The following DHFR2 variants were observed in gnomAD, a reference collection of about 807,000 sequenced individuals.
The protein encoded by DHFR2 is dihydrofolate reductase 2.
DHFR2 carries 11 observed loss-of-function variants against 12.0 expected under a neutral mutation model. The observed-to-expected ratio is 0.92, with a 90% CI of 0.58 to 1.52. DHFR2 has a LOEUF of 1.52. Ranked by LOEUF, DHFR2 falls within the 40% of genes most tolerant of loss-of-function variation. The pLI is 0.00. For missense variants in DHFR2, 188 were observed against 221.2 expected (o/e 0.85, Z 0.95); for synonymous variants, 87 against 79.6 (o/e 1.09, Z -0.49).
rs1269887904 is a variant in DHFR2 at position 94,061,576 on chromosome 3, G to C, written c.-65C>G. ...CAGGAAGCCAGGCCAAGAATGCCGC[G>C]AAATTCCCTTCTTCAAATTTTTTTA... On this transcript the variant is annotated 5_prime_UTR_variant, in exon 2 of 2. Coordinates refer to ENST00000314636, the MANE Select transcript of DHFR2 (RefSeq NM_176815.5). 1.3e-6 allele frequency: 2 copies of C among 1,596,846 alleles called. No homozygotes were observed. The highest frequency in any genetic ancestry group is 1.7e-6 in the Non-Finnish European group (2 of 1,171,244).
In DHFR2 at chr3:94,059,590, CCTG is replaced by C. The variant is rs2077161574; in HGVS notation, c.*1355_*1357del. ...CCAAAGTCAAACTCCATCAGAATAT[CCTG>C]CTACTTCCAACTTTAAAATATATCT... On this transcript the variant is annotated 3_prime_UTR_variant, in exon 2 of 2. Transcript: ENST00000314636. 6.6e-6 allele frequency: 1 copy of C among 152,198 alleles called. No homozygotes were observed. The highest frequency in any genetic ancestry group is 1.5e-5 in the Non-Finnish European group (1 of 68,054). 9.4% of individuals were successfully genotyped at this position (152,198 alleles called of 1,614,324 possible). A position where few individuals can be genotyped will look rare whatever the true frequency, so the allele number is the denominator to read the frequency against.
In DHFR2 at chr3:94,058,730, T is replaced by C. The variant is rs1412059530; in HGVS notation, c.*2218A>G. The stretch of plus-strand genomic sequence containing the variant: ...ACCAACCCTTCCCCCTTGTTTTTTT[T>C]TGTTTTTTTTTTTTTTTACTTTTGC... On this transcript the variant is annotated 3_prime_UTR_variant, in exon 2 of 2. Transcript: ENST00000314636. The C allele has an allele frequency of 3.8e-5, 6 of 156,998 alleles. No homozygotes were observed. Among genetic ancestry groups the C allele is most frequent in the African/African-American group, 1.5e-4 (6 of 40,526 alleles). The allele number at this position is 156,998 out of a possible 1,614,324, so 9.7% of individuals were successfully genotyped here.
Position 94,061,576 on chromosome 3 carries a change from G to A in DHFR2, c.-65C>T. The A allele has an allele frequency of 6.3e-7, 1 of 1,596,962 alleles. No individual in the cohort carries two copies. The highest frequency in any genetic ancestry group is 1.3e-5 in the African/African-American group (1 of 74,212). On this transcript the variant is annotated 5_prime_UTR_variant, in exon 2 of 2. Transcript: ENST00000314636. Reference sequence around the variant, plus strand: ...CAGGAAGCCAGGCCAAGAATGCCGCGAAATTCCCTTCTTCAAATTTTTTTA... The same window carrying A: ...CAGGAAGCCAGGCCAAGAATGCCGCAAAATTCCCTTCTTCAAATTTTTTTA...
rs541900693 is a variant in DHFR2 at position 94,058,843 on chromosome 3, G to A, written c.*2105C>T. 6 of 157,048 alleles carry A rather than the reference G, an allele frequency of 3.8e-5. No homozygotes were observed. The highest frequency in any genetic ancestry group is 7.2e-5 in the African/African-American group (3 of 41,656). 9.7% of individuals were successfully genotyped at this position (157,048 alleles called of 1,614,324 possible). Reference sequence around the variant, plus strand: ...AGAAGGGATCTCACTATGGTGGCCAGGCTGCTCTGAACTCTTGGGCTCAAG... The same window carrying A: ...AGAAGGGATCTCACTATGGTGGCCAAGCTGCTCTGAACTCTTGGGCTCAAG... On this transcript the variant is annotated 3_prime_UTR_variant, in exon 2 of 2. Transcript: ENST00000314636.
chr3:94,058,710 C>A lies in DHFR2; in HGVS notation c.*2238G>T, dbSNP rs532491481. On this transcript the variant is annotated 3_prime_UTR_variant, in exon 2 of 2. Coordinates refer to ENST00000314636, the MANE Select transcript of DHFR2 (RefSeq NM_176815.5). ...CTAGAATTAATTATTGCCTAACCAACCCTTCCCCCTTGTTTTTTTTTGTTT... is the reference window on the plus strand; with the variant it reads ...CTAGAATTAATTATTGCCTAACCAAACCTTCCCCCTTGTTTTTTTTTGTTT... 1.7e-3 allele frequency: 261 copies of A among 156,746 alleles called. 2 individuals carry two copies. The highest frequency in any genetic ancestry group is 3.1e-3 in the Non-Finnish European group (222 of 71,570). 9.7% of individuals were successfully genotyped at this position (156,746 alleles called of 1,614,324 possible).
rs1195701305 is a variant in DHFR2, at chr3:94,060,662, C to T, written c.*286G>A. On this transcript the variant is annotated 3_prime_UTR_variant, in exon 2 of 2. Transcript: ENST00000314636. ...ATAAATACTACCAACATTAGAAAAG[C>T]CTGACAATGTCAAGGAGTGGCAAGA... The T allele has an allele frequency of 1.2e-5, 5 of 433,854 alleles. No homozygotes were observed. Among genetic ancestry groups the T allele is most frequent in the Non-Finnish European group, 2.1e-5 (5 of 243,328 alleles). 26.9% of individuals were successfully genotyped at this position (433,854 alleles called of 1,614,324 possible). A position where few individuals can be genotyped will look rare whatever the true frequency, so the allele number is the denominator to read the frequency against.
At position 94,060,617 on chromosome 3, in the gene DHFR2, T is replaced by G; in HGVS notation, c.*331A>C. The G allele has an allele frequency of 3.2e-6, 1 of 312,404 alleles. No individual in the cohort carries two copies. The highest frequency in any genetic ancestry group is 5.9e-6 in the Non-Finnish European group (1 of 169,404). The allele number at this position is 312,404 out of a possible 1,614,324, so 19.4% of individuals were successfully genotyped here. On this transcript the variant is annotated 3_prime_UTR_variant, in exon 2 of 2. Coordinates refer to ENST00000314636, the MANE Select transcript of DHFR2 (RefSeq NM_176815.5). ...CTAGTGAAACTGCTCAGCTGAAGGG[T>G]ATGTGCATCTTCATCTTTAATAAAT...
chr3:94,059,551 C>G lies in DHFR2; in HGVS notation c.*1397G>C, dbSNP rs2077161492. ...TCATTTCTCAAAGGCATCTCAAACT[C>G]AGTGGGCCCAAAACCAAAGTCAAAC... On this transcript the variant is annotated 3_prime_UTR_variant, in exon 2 of 2. Transcript: ENST00000314636. The G allele has an allele frequency of 6.6e-6, 1 of 152,174 alleles. No homozygotes were observed. The highest frequency in any genetic ancestry group is 2.4e-5 in the African/African-American group (1 of 41,416). The allele number at this position is 152,174 out of a possible 1,614,324, so 9.4% of individuals were successfully genotyped here. A position where few individuals can be genotyped will look rare whatever the true frequency, so the allele number is the denominator to read the frequency against.
chr3:94,060,996 C>T lies in DHFR2; in HGVS notation c.516G>A (p.Glu172=). 2 of 1,613,876 alleles carry T rather than the reference C, an allele frequency of 1.2e-6. No homozygotes were observed. The highest frequency in any genetic ancestry group is 1.7e-6 in the Non-Finnish European group (2 of 1,179,844). ...CAAATTTGTACTTGATGTGTTTCCC[C>T]TCCTGGACATCAGAGAGAACACCTG... is the stretch of plus-strand genomic sequence containing the variant. ...EYPGVLSDVQ[E]GKHIKYKFEV... is the part of the protein sequence containing the mutation. Residue 172 remains glutamate, a synonymous_variant, in exon 2 of 2, where the codon GAG becomes GAA. Coordinates refer to ENST00000314636, the MANE Select transcript of DHFR2 (RefSeq NM_176815.5).
In DHFR2 at chr3:94,061,378, T is replaced by A; in HGVS notation, c.134A>T (p.Glu45Val). The change falls in exon 2 of 2, where the codon GAG (glutamate) becomes GTG (valine). Residue 45 changes from glutamate (E) to valine (V), a missense_variant. Coordinates refer to ENST00000314636, the MANE Select transcript of DHFR2 (RefSeq NM_176815.5). ...FQRMTTTSSV[E>V]GKQNLVIMGR... ...CATAATCACCAGATTCTGTTTACCC[T>A]CTACTGAAGAAGTTGTGGTCATTCT... 6.2e-7 allele frequency: 1 copy of A among 1,614,192 alleles called. No homozygotes were observed. Among genetic ancestry groups the A allele is most frequent in the Non-Finnish European group, 8.5e-7 (1 of 1,180,046 alleles).
At chr3:94,062,439 C>A (rs767287502) in intron 1 of DHFR2, among the ~76,000 whole-genome samples, 7 of 152,146 alleles carry the variant, frequency 4.6e-5, no homozygotes, top group Non-Finnish European at 1.0e-4. Flanking sequence ...GACTTAATTT[C>A]TTTTTCATTA....
Position 94,058,734 on chromosome 3 carries a change from T to G in DHFR2, c.*2214A>C. On this transcript the variant is annotated 3_prime_UTR_variant, in exon 2 of 2. Coordinates refer to ENST00000314636, the MANE Select transcript of DHFR2 (RefSeq NM_176815.5). ...ACCCTTCCCCCTTGTTTTTTTTTGT[T>G]TTTTTTTTTTTTTACTTTTGCTTTA... is the stretch of plus-strand genomic sequence containing the variant. 1 of 143,498 alleles carries G rather than the reference T, an allele frequency of 7.0e-6. No homozygotes were observed. The highest frequency in any genetic ancestry group is 1.5e-5 in the Non-Finnish European group (1 of 68,454). 8.9% of individuals were successfully genotyped at this position (143,498 alleles called of 1,614,324 possible). A position where few individuals can be genotyped will look rare whatever the true frequency, so the allele number is the denominator to read the frequency against.
rs2077167959 is a variant in DHFR2, at chr3:94,060,654, T to C, written c.*294A>G. The C allele has an allele frequency of 2.4e-6, 1 of 413,072 alleles. No homozygotes were observed. The highest frequency in any genetic ancestry group is 4.3e-6 in the Non-Finnish European group (1 of 230,736). The allele number at this position is 413,072 out of a possible 1,614,324, so 25.6% of individuals were successfully genotyped here. On this transcript the variant is annotated 3_prime_UTR_variant, in exon 2 of 2. Coordinates refer to ENST00000314636, the MANE Select transcript of DHFR2 (RefSeq NM_176815.5). The stretch of plus-strand genomic sequence containing the variant: ...CATCTTTAATAAATACTACCAACAT[T>C]AGAAAAGCCTGACAATGTCAAGGAG...
rs763081853 is a variant in DHFR2 at position 94,061,230 on chromosome 3, C to G, written c.282G>C (p.Leu94Phe). 1.1e-5 allele frequency: 18 copies of G among 1,613,828 alleles called. No homozygotes were observed. Among genetic ancestry groups the G allele is most frequent in the Non-Finnish European group, 1.5e-5 (18 of 1,179,876 alleles). The change falls in exon 2 of 2, where the codon TTG (leucine) becomes TTC (phenylalanine). Residue 94 changes from leucine (L) to phenylalanine (F), a missense_variant. Leu to Phe is a conservative substitution (Grantham distance 22). Coordinates refer to ENST00000314636, the MANE Select transcript of DHFR2 (RefSeq NM_176815.5). ...PQGAHFLARSLDDALKLTERP... is the reference protein window; with the variant it reads ...PQGAHFLARSFDDALKLTERP... ...GTTCAGTAAGTTTTAAGGCATCATC[C>G]AAACTTCTGGCAAGAAAATGAGCTC...
At position 94,061,265 on chromosome 3, in the gene DHFR2, G is replaced by C. The variant is rs61739170; in HGVS notation, c.247C>G (p.Pro83Ala). 0.23 allele frequency: 366,716 copies of C among 1,613,740 alleles called. 45,426 individuals carry two copies. The highest frequency in any genetic ancestry group is 0.25 in the Non-Finnish European group (298,399 of 1,179,790). ...NLVLSRELKE[P>A]PQGAHFLARS... The stretch of plus-strand genomic sequence containing the variant: ...GCAAGAAAATGAGCTCCTTGTGGAG[G>C]TTCCTTGAGTTCTCTGCTGAGAACT... Residue 83 changes from proline (P) to alanine (A), a missense_variant, in exon 2 of 2, where the codon CCT (proline) becomes GCT (alanine). Physicochemically the swap from Pro to Ala is conservative, Grantham distance 27. Transcript: ENST00000314636.
chr3:94,063,029 C>A (rs896131082), upstream of DHFR2: 15 of 1,341,710 alleles, frequency 1.1e-5, no homozygotes, highest in African/African-American at 1.4e-4. Flanking sequence ...AAGTGGATGC[C>A]CGCGAATCCC....
At chr3:94,062,033 T>G (rs1168750165) in intron 1 of DHFR2, among the ~76,000 whole-genome samples, 1 of 152,216 alleles carries the variant, frequency 6.6e-6, no homozygotes, top group Non-Finnish European at 1.5e-5. Context: ...AAATGATGAT[T>G]ATTAACTATC....
rs2077155354 is a variant in DHFR2 at position 94,058,542 on chromosome 3, C to T, written c.*2406G>A. ...TTACACCATCACTATCTTCACTTTT[C>T]CCCCCATATTGTCCCAAAGTAGTTA... On this transcript the variant is annotated 3_prime_UTR_variant, in exon 2 of 2. Coordinates refer to ENST00000314636, the MANE Select transcript of DHFR2 (RefSeq NM_176815.5). 1 of 152,198 alleles carries T rather than the reference C, an allele frequency of 6.6e-6. No homozygotes were observed. Among genetic ancestry groups the T allele is most frequent in the African/African-American group, 2.4e-5 (1 of 41,388 alleles). The allele number at this position is 152,198 out of a possible 1,614,324, so 9.4% of individuals were successfully genotyped here. A position where few individuals can be genotyped will look rare whatever the true frequency, so the allele number is the denominator to read the frequency against.
rs1266277096 is a variant in DHFR2 at position 94,058,770 on chromosome 3, ACTT to A, written c.*2175_*2177del. ...TTTACTTTTGCTTTATCTTCAATGC[ACTT>A]CTTTCCAAATGCCCCAAATCTGGCA... On this transcript the variant is annotated 3_prime_UTR_variant, in exon 2 of 2. Transcript: ENST00000314636. 1.4e-5 allele frequency: 2 copies of A among 147,156 alleles called. No homozygotes were observed. The highest frequency in any genetic ancestry group is 5.3e-5 in the African/African-American group (2 of 37,766). 9.1% of individuals were successfully genotyped at this position (147,156 alleles called of 1,614,324 possible). A position where few individuals can be genotyped will look rare whatever the true frequency, so the allele number is the denominator to read the frequency against.
Sources: gnomAD v4.1 joint callset for allele counts (sites outside exome capture counted in the v4.1 genomes callset) on GRCh38, gnomAD v4.1.1 for gene constraint, MANE v1.5 for transcripts, NCBI Gene and HGNC (gene_info 2026-07-23, HGNC 2026-07-21) for gene names.